Variants in SUGCT observed in about 807,000 individuals in gnomAD.
The protein encoded by SUGCT is succinyl-CoA:glutarate CoA-transferase.
In SUGCT, 41 loss-of-function variants were observed where a neutral mutation model predicts 55.0. The ratio of observed to expected loss-of-function variants is 0.74; its 90% CI spans 0.58 to 0.97. SUGCT has a LOEUF of 0.97. SUGCT is among the 50% of genes least tolerant of loss of function. SUGCT has a pLI of 0.00. For missense variants in SUGCT, 568 were observed against 547.8 expected, an observed-to-expected ratio of 1.04 and a Z score of -0.37; for synonymous variants, 187 against 200.4, an observed-to-expected ratio of 0.93 and a Z score of 0.56.
intron 13 of SUGCT, among the ~76,000 whole-genome samples, chr7:40,835,049 G>A (rs562852827): frequency 6.6e-6 from 1 of 152,278 alleles, no homozygotes; most frequent in African/African-American, 2.4e-5. Flanking sequence ...TGATAGAAAT[G>A]TCTTTCTTTA....
chr7:40,874,586 G>C, the SUGCT span, among the ~76,000 whole-genome samples: 1 of 152,134 alleles, frequency 6.6e-6, no homozygotes, highest in Non-Finnish European at 1.5e-5. Context: ...CTCCAAATTA[G>C]TTATAGACAT....
the SUGCT span, among the ~76,000 whole-genome samples, chr7:40,907,119 G>C: frequency 1.3e-5 from 1 of 77,502 alleles, no homozygotes; most frequent in Non-Finnish European, 2.9e-5. Flanking sequence ...GTGTGTGTGT[G>C]TGTGTGTGTG....
chr7:40,795,640 A>G (rs1378834906), intron 13 of SUGCT, among the ~76,000 whole-genome samples: 1 of 152,160 alleles, frequency 6.6e-6, no homozygotes, highest in African/African-American at 2.4e-5. Flanking sequence ...TCTGATTGTT[A>G]AGAGGGCTTG....
At chr7:40,899,330 C>T in the SUGCT span, among the ~76,000 whole-genome samples, 8 of 152,166 alleles carry the variant, frequency 5.3e-5, no homozygotes, top group African/African-American at 1.7e-4. Flanking sequence ...TTTACCCCTC[C>T]GCCTCCCATT....
intron 1 of SUGCT, among the ~76,000 whole-genome samples, chr7:40,168,788 C>G (rs1562810547): frequency 6.6e-6 from 1 of 152,194 alleles, no homozygotes; most frequent in Non-Finnish European, 1.5e-5. Context: ...TTGAGATTCC[C>G]CATTCTATTT....
At chr7:40,518,674 A>T (rs889855126) in intron 12 of SUGCT, among the ~76,000 whole-genome samples, 10 of 152,100 alleles carry the variant, frequency 6.6e-5, no homozygotes, top group African/African-American at 2.2e-4. Flanking sequence ...TTTCCTATTT[A>T]AAAGTATCAG....
intron 6 of SUGCT, among the ~76,000 whole-genome samples, chr7:40,207,605 C>T (rs1311190413): frequency 6.6e-6 from 1 of 152,058 alleles, no homozygotes. Flanking sequence ...TCACTCGATG[C>T]CAGAAGTTTG....
intron 13 of SUGCT, among the ~76,000 whole-genome samples, chr7:40,796,555 C>T (rs568561077): frequency 1.3e-5 from 2 of 152,240 alleles, no homozygotes; most frequent in South Asian, 2.1e-4. Context: ...ATTATCACAT[C>T]GGGACCCCGA....
At chr7:40,412,036 G>A (rs2151345887) in intron 9 of SUGCT, among the ~76,000 whole-genome samples, 1 of 152,208 alleles carries the variant, frequency 6.6e-6, no homozygotes, top group African/African-American at 2.4e-5. Flanking sequence ...TCCCACCCCT[G>A]TTTAAGCACT....
chr7:40,717,442 T>C (rs781079923), intron 12 of SUGCT, among the ~76,000 whole-genome samples: 98 of 152,176 alleles, frequency 6.4e-4, no homozygotes, highest in Non-Finnish European at 1.2e-3. Context: ...GAACTCCCCG[T>C]GGCCCCACCC....
chr7:40,822,676 C>A (rs1266938751), intron 13 of SUGCT, among the ~76,000 whole-genome samples: 1 of 152,116 alleles, frequency 6.6e-6, no homozygotes, highest in Non-Finnish European at 1.5e-5. Flanking sequence ...CCCTGAGGAG[C>A]TGCAAGGGAA....
At chr7:40,275,754 C>T (rs1460714477) in intron 8 of SUGCT, among the ~76,000 whole-genome samples, 1 of 151,886 alleles carries the variant, frequency 6.6e-6, no homozygotes, top group Non-Finnish European at 1.5e-5. Flanking sequence ...ATAAAGAATT[C>T]CTGGTTTCCG....
At chr7:41,038,681 A>T in the SUGCT span, among the ~76,000 whole-genome samples, 1 of 152,188 alleles carries the variant, frequency 6.6e-6, no homozygotes, top group Admixed American at 6.5e-5. Flanking sequence ...TATTCACAGA[A>T]GGAGAACACA....
At chr7:40,862,329 T>A (rs1430271494), downstream of SUGCT, among the ~76,000 whole-genome samples, 1 of 152,162 alleles carries the variant, frequency 6.6e-6, no homozygotes, top group Non-Finnish European at 1.5e-5. Flanking sequence ...CCTACGCAAG[T>A]CAAAATGATC....
the SUGCT span, among the ~76,000 whole-genome samples, chr7:40,931,453 G>A: frequency 5.4e-3 from 824 of 152,270 alleles, 6 homozygotes; most frequent in Middle Eastern, 0.01. Context: ...AGTTAGGAAG[G>A]ATTCCCTCTT....
intron 2 of SUGCT, 21 bp from the exon 3 acceptor site, chr7:40,181,934 T>C (rs1403319715): frequency 7.0e-6 from 10 of 1,434,708 alleles, no homozygotes; most frequent in Non-Finnish European, 8.6e-6. Flanking sequence ...ATTAATTTAT[T>C]TATCATTTTT....
intron 12 of SUGCT, among the ~76,000 whole-genome samples, chr7:40,545,406 T>C (rs1794936005): frequency 6.6e-6 from 1 of 152,212 alleles, no homozygotes; most frequent in South Asian, 2.1e-4. Context: ...TGGTTTAATA[T>C]AGTTCTGTTG....
chr7:40,848,467 T>C (rs1398367083), intron 13 of SUGCT, among the ~76,000 whole-genome samples: 1 of 152,134 alleles, frequency 6.6e-6, no homozygotes, highest in Non-Finnish European at 1.5e-5. Context: ...TAAACCTCCA[T>C]GATTGAGACT....
chr7:40,148,600 C>T (rs1022306447), intron 1 of SUGCT, among the ~76,000 whole-genome samples: 12 of 152,128 alleles, frequency 7.9e-5, no homozygotes, highest in Admixed American at 3.3e-4. Context: ...GCCGAGATGA[C>T]GCCATTGCAC....
Sources: allele counts gnomAD v4.1 joint callset (sites outside exome capture counted in the v4.1 genomes callset), GRCh38; gene constraint gnomAD v4.1.1; transcripts MANE v1.5; gene names NCBI Gene and HGNC (gene_info 2026-07-23, HGNC 2026-07-21).